Variants in IAPP observed in about 807,000 individuals in gnomAD.
The protein encoded by IAPP is islet amyloid polypeptide.
A neutral mutation model predicts 2.9 loss-of-function variants in IAPP; 4 were observed. That is an observed-to-expected ratio of 1.39 (90% CI 0.69 to 3.19). IAPP has a LOEUF of 3.19. IAPP is among the 30% of genes most tolerant of loss of function. The pLI, the probability that IAPP is intolerant of heterozygous loss-of-function variation, is 0.01. For missense variants in IAPP, 114 were observed against 105.3 expected (o/e 1.08, Z -0.36); for synonymous variants, 40 against 42.1 (o/e 0.95, Z 0.19).
chr12:21,363,422 A>G (rs994526014), intron 1 of IAPP, among the ~76,000 whole-genome samples: 3 of 152,212 alleles, frequency 2.0e-5, no homozygotes, highest in Admixed American at 6.5e-5. Context: ...TTATAGCACT[A>G]AATGCCCACA....
chr12:21,373,260 C>A, intron 1 of IAPP, 77 bp from the exon 2 acceptor site: 1 of 916,490 alleles, frequency 1.1e-6, no homozygotes, highest in Non-Finnish European at 1.8e-6. Context: ...CTTTTAAAAA[C>A]TAAGCTCTAA....
intron 1 of IAPP, among the ~76,000 whole-genome samples, chr12:21,364,163 A>G (rs1206059340): frequency 2.0e-5 from 3 of 152,188 alleles, no homozygotes; most frequent in South Asian, 4.1e-4. Context: ...ATACTGGCAA[A>G]CCGAATCCAG....
intron 2 of IAPP, 78 bp downstream of exon 2, chr12:21,373,509 C>A (rs41275208): frequency 0.043 from 40,429 of 947,318 alleles, 996 homozygotes; most frequent in Middle Eastern, 0.061. Flanking sequence ...TGTCAAATAA[C>A]TACAGCCTTA....
rs1409305328 is a variant in IAPP, at chr12:21,355,910, G to A, written c.-16+897G>A. On this transcript the variant is annotated intron_variant, in intron 1 of 2. Transcript: ENST00000539393. ...ACTTAAAATGGCCAAGAAGTATTTA[G>A]AACTAAACTAACTTAATCTTTGATA... Among the ~76,000 whole-genome samples the A allele has an allele frequency of 2.0e-5, 3 of 152,106 alleles. No homozygotes were observed. The East Asian group carries it at 5.8e-4, about 29-fold the overall frequency.
chr12:21,374,449 C>T (rs1463345318), intron 2 of IAPP: 2 of 152,066 alleles, frequency 1.3e-5, no homozygotes, highest in African/African-American at 4.8e-5. Flanking sequence ...TTAGAATGAT[C>T]GTCATCTTGT....
At position 21,378,347 on chromosome 12, in the gene IAPP, A is replaced by G. The variant is rs1940360402; in HGVS notation, c.191A>G (p.Asn64Ser). Residue 64 changes from asparagine (N) to serine (S), a missense_variant, in exon 3 of 3, where the codon AAC (asparagine) becomes AGC (serine). Physicochemically the swap from Asn to Ser is conservative, Grantham distance 46. Transcript: ENST00000240652. ...NNFGAILSST[N>S]VGSNTYGKRN... ...TTTGGTGCCATTCTCTCATCTACCAACGTGGGATCCAATACATATGGCAAG... is the reference window on the plus strand; with the variant it reads ...TTTGGTGCCATTCTCTCATCTACCAGCGTGGGATCCAATACATATGGCAAG... 2 of 1,614,148 alleles carry G rather than the reference A, an allele frequency of 1.2e-6. No individual in the cohort carries two copies. The highest frequency in any genetic ancestry group is 2.7e-5 in the African/African-American group (2 of 75,054).
chr12:21,374,639 C>T (rs1940053946), intron 2 of IAPP: 1 of 151,788 alleles, frequency 6.6e-6, no homozygotes, highest in Admixed American at 6.6e-5. Context: ...TTTGCTTTTT[C>T]ATAAAAATAA....
chr12:21,363,385 C>CATT (rs1171684197), intron 1 of IAPP, among the ~76,000 whole-genome samples: 1 of 152,176 alleles, frequency 6.6e-6, no homozygotes, highest in Non-Finnish European at 1.5e-5. Flanking sequence ...CTCTGGGACA[C>CATT]ATTTAAAGCT....
At chr12:21,360,622 A>G (rs1056547201) in intron 1 of IAPP, among the ~76,000 whole-genome samples, 1 of 152,150 alleles carries the variant, frequency 6.6e-6, no homozygotes, top group Non-Finnish European at 1.5e-5. Flanking sequence ...GGGGTGGGGG[A>G]ATTCCCTTTC....
At chr12:21,377,850 T>C (rs1049205516) in intron 2 of IAPP, among the ~76,000 whole-genome samples, 1 of 152,200 alleles carries the variant, frequency 6.6e-6, no homozygotes, top group Non-Finnish European at 1.5e-5. Context: ...TATTTTTAAA[T>C]TTCTTCATAT....
At chr12:21,368,771 T>C (rs1328696694), upstream of IAPP, among the ~76,000 whole-genome samples, 1 of 152,072 alleles carries the variant, frequency 6.6e-6, no homozygotes, top group African/African-American at 2.4e-5. Context: ...AAAGAAACAC[T>C]TTAAAATGTA....
chr12:21,363,814 C>G (rs2137058916), intron 1 of IAPP, among the ~76,000 whole-genome samples: 1 of 152,240 alleles, frequency 6.6e-6, no homozygotes, highest in East Asian at 1.9e-4. Context: ...GGATAAATTC[C>G]TGGACTTATA....
upstream of IAPP, among the ~76,000 whole-genome samples, chr12:21,371,235 G>A (rs1207575888): frequency 5.9e-5 from 9 of 152,124 alleles, no homozygotes; most frequent in East Asian, 3.9e-4. Context: ...ACTAGGGGGC[G>A]TGTCTTATGG....
At chr12:21,359,203 G>C (rs1234962848) in intron 1 of IAPP, among the ~76,000 whole-genome samples, 1 of 152,054 alleles carries the variant, frequency 6.6e-6, no homozygotes, top group Non-Finnish European at 1.5e-5. Context: ...TTCCTTCCAA[G>C]CATCCAGGTA....
Position 21,378,598 on chromosome 12 carries a change from A to G in IAPP, c.*172A>G. The stretch of plus-strand genomic sequence containing the variant: ...TATATGTAGTACTAACTAAGGTCCC[A>G]TAATAAAAAGATAGTATCTTTTAAA... On this transcript the variant is annotated 3_prime_UTR_variant, in exon 3 of 3. Coordinates refer to ENST00000240652, the MANE Select transcript of IAPP (RefSeq NM_000415.3). 1 of 547,264 alleles carries G rather than the reference A, an allele frequency of 1.8e-6. No homozygotes were observed. The highest frequency in any genetic ancestry group is 4.8e-4 in the Middle Eastern group (1 of 2,090). The allele number at this position is 547,264 out of a possible 1,614,324, so 33.9% of individuals were successfully genotyped here.
intron 1 of IAPP, among the ~76,000 whole-genome samples, chr12:21,367,441 G>T (rs1247848002): frequency 2.0e-5 from 3 of 152,110 alleles, no homozygotes; most frequent in Non-Finnish European, 4.4e-5. Flanking sequence ...AAAGCAGAAG[G>T]TCAGAGGCTA....
chr12:21,372,185 T>C (rs1230542830), upstream of IAPP, among the ~76,000 whole-genome samples: 1 of 152,194 alleles, frequency 6.6e-6, no homozygotes, highest in African/African-American at 2.4e-5. Flanking sequence ...AAAATAATTG[T>C]AAAATTTCTG....
intron 1 of IAPP, among the ~76,000 whole-genome samples, chr12:21,364,030 C>T (rs964377127): frequency 1.3e-5 from 2 of 152,178 alleles, no homozygotes; most frequent in Middle Eastern, 3.2e-3. Context: ...AGAGGGAATC[C>T]TCCCTCAGTC....
chr12:21,364,895 C>T (rs1939243500), intron 1 of IAPP, among the ~76,000 whole-genome samples: 2 of 152,016 alleles, frequency 1.3e-5, no homozygotes, highest in Non-Finnish European at 2.9e-5. Context: ...CAAAATAAAA[C>T]AGGACACAAA....
Sources: gnomAD v4.1 joint callset for allele counts (sites outside exome capture counted in the v4.1 genomes callset) on GRCh38, gnomAD v4.1.1 for gene constraint, MANE v1.5 for transcripts, NCBI Gene and HGNC (gene_info 2026-07-23, HGNC 2026-07-21) for gene names.